Variants in ADAMTS19 observed in about 807,000 individuals in gnomAD.
The protein encoded by ADAMTS19 is ADAM metallopeptidase with thrombospondin type 1 motif 19.
A neutral mutation model predicts 153.3 loss-of-function variants in ADAMTS19; 93 were observed. That is an observed-to-expected ratio of 0.61 (90% CI 0.51 to 0.72). ADAMTS19 has a LOEUF of 0.72. Ranked by LOEUF, ADAMTS19 falls within the 30% of genes least tolerant of loss-of-function variation. The pLI is 0.00. For missense variants in ADAMTS19, 1,482 were observed against 1,552.1 expected, an observed-to-expected ratio of 0.95 and a Z score of 0.76; for synonymous variants, 600 against 556.6, an observed-to-expected ratio of 1.08 and a Z score of -1.10.
chr5:129,469,032 T>C (rs1001386397), intron 2 of ADAMTS19, among the ~76,000 whole-genome samples: 1 of 152,042 alleles, frequency 6.6e-6, no homozygotes, highest in African/African-American at 2.4e-5. Context: ...CCACCTCAGA[T>C]TCCTAAAGTG....
chr5:129,460,713 A>C, intron 1 of ADAMTS19: 2 of 592,734 alleles, frequency 3.4e-6, no homozygotes, highest in East Asian at 2.9e-5. Flanking sequence ...TAGAGCAATA[A>C]TATTTGCAAA....
At chr5:129,639,833 A>G (rs17163243) in intron 10 of ADAMTS19, among the ~76,000 whole-genome samples, 5,773 of 152,272 alleles carry the variant, frequency 0.038, 341 homozygotes, top group African/African-American at 0.13. Flanking sequence ...CATCCTTGAC[A>G]GAAAGTTCCT....
chr5:129,681,320 T>C (rs547079776), intron 17 of ADAMTS19, among the ~76,000 whole-genome samples: 51 of 152,284 alleles, frequency 3.3e-4, no homozygotes, highest in Non-Finnish European at 5.4e-4. Flanking sequence ...AAACCACATT[T>C]TAAATTACAA....
At chr5:129,557,958 T>A (rs1050254514) in intron 7 of ADAMTS19, among the ~76,000 whole-genome samples, 3 of 152,090 alleles carry the variant, frequency 2.0e-5, no homozygotes, top group African/African-American at 7.2e-5. Context: ...CATTAGAACA[T>A]TTTAAAATGT....
intron 21 of ADAMTS19, among the ~76,000 whole-genome samples, chr5:129,714,010 A>T (rs1228348915): frequency 6.6e-6 from 1 of 152,194 alleles, no homozygotes; most frequent in Non-Finnish European, 1.5e-5. Context: ...AAATGCTCTC[A>T]CCATGCAAGT....
chr5:129,707,182 C>A (rs1379686079), intron 21 of ADAMTS19, among the ~76,000 whole-genome samples: 2 of 152,166 alleles, frequency 1.3e-5, no homozygotes, highest in African/African-American at 4.8e-5. Context: ...GTGGGTTCTG[C>A]AGGACCCACT....
At chr5:129,587,078 CTATT>C (rs1219041468) in intron 7 of ADAMTS19, among the ~76,000 whole-genome samples, 22 of 151,738 alleles carry the variant, frequency 1.4e-4, no homozygotes, top group Non-Finnish European at 2.4e-4. Flanking sequence ...ATCCAGGAAA[CTATT>C]TATCTCTCCT....
chr5:129,694,971 C>A, intron 19 of ADAMTS19, 116 bp downstream of exon 19: 1 of 1,210,712 alleles, frequency 8.3e-7, no homozygotes, highest in Non-Finnish European at 1.1e-6. Context: ...CCAAAGGATA[C>A]GTACCAAAAT....
intron 2 of ADAMTS19, among the ~76,000 whole-genome samples, chr5:129,464,994 C>T (rs1467843468): frequency 2.6e-5 from 4 of 152,074 alleles, no homozygotes; most frequent in African/African-American, 4.8e-5. Context: ...GAAGCAGTCT[C>T]GATATATTTC....
At chr5:129,488,191 G>C (rs73242234) in intron 2 of ADAMTS19, among the ~76,000 whole-genome samples, 12,131 of 152,016 alleles carry the variant, frequency 0.08, 506 homozygotes, top group African/African-American at 0.11. Context: ...GGCTTTGTGA[G>C]ATAGAACAAG....
chr5:129,590,625 C>T (rs1039754822), intron 7 of ADAMTS19, among the ~76,000 whole-genome samples: 4 of 151,994 alleles, frequency 2.6e-5, no homozygotes, highest in African/African-American at 4.8e-5. Context: ...AAATTAACTG[C>T]GCTGACACCA....
At chr5:129,530,568 A>T (rs1417579246) in intron 6 of ADAMTS19, among the ~76,000 whole-genome samples, 1 of 152,236 alleles carries the variant, frequency 6.6e-6, no homozygotes, top group Non-Finnish European at 1.5e-5. Context: ...CAGTGAAACA[A>T]CATTTCTAAT....
intron 6 of ADAMTS19, among the ~76,000 whole-genome samples, chr5:129,549,140 A>G (rs1293871766): frequency 1.3e-5 from 2 of 151,190 alleles, no homozygotes; most frequent in Non-Finnish European, 2.9e-5. Context: ...ACAAACCTGC[A>G]CATTGTGCAC....
At chr5:129,529,653 A>C (rs1752130576) in intron 6 of ADAMTS19, among the ~76,000 whole-genome samples, 1 of 152,176 alleles carries the variant, frequency 6.6e-6, no homozygotes, top group Non-Finnish European at 1.5e-5. Flanking sequence ...TTGGGAAAAA[A>C]TTCTTAACTA....
intron 15 of ADAMTS19, among the ~76,000 whole-genome samples, chr5:129,660,937 A>G (rs982286076): frequency 6.6e-6 from 1 of 152,130 alleles, no homozygotes; most frequent in African/African-American, 2.4e-5. Flanking sequence ...ACAGGTGCTC[A>G]CACTGACCAT....
intron 7 of ADAMTS19, among the ~76,000 whole-genome samples, chr5:129,569,141 G>A (rs2126859693): frequency 6.6e-6 from 1 of 151,932 alleles, no homozygotes; most frequent in South Asian, 2.1e-4. Flanking sequence ...GGAAAAAGTA[G>A]TAAAAAGTAA....
intron 19 of ADAMTS19, among the ~76,000 whole-genome samples, chr5:129,695,786 C>A (rs775540824): frequency 7.2e-5 from 11 of 152,126 alleles, no homozygotes; most frequent in Non-Finnish European, 1.3e-4. Context: ...TCCTGACACT[C>A]AGGAATTTGT....
At chr5:129,506,962 G>T (rs1016349917) in intron 2 of ADAMTS19, among the ~76,000 whole-genome samples, 1 of 151,890 alleles carries the variant, frequency 6.6e-6, no homozygotes, top group African/African-American at 2.4e-5. Context: ...GGATAAAGGT[G>T]CTGTAACTTT....
At chr5:129,547,228 T>C (rs1472543328) in intron 6 of ADAMTS19, among the ~76,000 whole-genome samples, 2 of 150,492 alleles carry the variant, frequency 1.3e-5, no homozygotes, top group Non-Finnish European at 2.9e-5. Context: ...ATCATTGACC[T>C]TGAAAATAGA....
Sources: allele counts gnomAD v4.1 joint callset (sites outside exome capture counted in the v4.1 genomes callset), GRCh38; gene constraint gnomAD v4.1.1; transcripts MANE v1.5; gene names NCBI Gene and HGNC (gene_info 2026-07-23, HGNC 2026-07-21).